NOSTRIN: variants seen among roughly 807,000 people sequenced by gnomAD.
NOSTRIN encodes BM247 homolog.
Under a neutral mutation model 59.0 loss-of-function variants are expected in NOSTRIN, and 63 were observed. The ratio of observed to expected loss-of-function variants is 1.07; its 90% CI spans 0.87 to 1.32. NOSTRIN has a LOEUF of 1.32. NOSTRIN is among the 40% of genes most tolerant of loss of function. The pLI is 0.00. For synonymous variants in NOSTRIN, 200 were observed against 165.4 expected (o/e 1.21, Z -1.61); for missense variants, 512 against 473.1 (o/e 1.08, Z -0.76).
At chr2:168,790,262 GA>G (rs1230287630) in intron 2 of NOSTRIN, among the ~76,000 whole-genome samples, 2 of 152,190 alleles carry the variant, frequency 1.3e-5, no homozygotes, top group African/African-American at 4.8e-5. Context: ...AATAAAATGG[GA>G]AACTATGAGT....
chr2:168,804,762 G>GA (rs1320301902), intron 1 of NOSTRIN, among the ~76,000 whole-genome samples: 5 of 151,718 alleles, frequency 3.3e-5, no homozygotes, highest in Non-Finnish European at 5.9e-5. Context: ...GAACTTCAGT[G>GA]AAAAAAAATC....
chr2:168,842,455 G>C (rs1688160517), intron 7 of NOSTRIN, among the ~76,000 whole-genome samples: 1 of 152,108 alleles, frequency 6.6e-6, no homozygotes, highest in Non-Finnish European at 1.5e-5. Flanking sequence ...CTCTTATCCT[G>C]GAAGTTTGAT....
chr2:168,848,411 C>T (rs1194624060), intron 8 of NOSTRIN, among the ~76,000 whole-genome samples: 1 of 152,172 alleles, frequency 6.6e-6, no homozygotes, highest in East Asian at 1.9e-4. Context: ...AGAAGATTGC[C>T]ATGGGGGCGT....
At chr2:168,818,133 G>A in intron 2 of NOSTRIN, 1 of 200,050 alleles carries the variant, frequency 5.0e-6, no homozygotes, top group Non-Finnish European at 1.1e-5. Context: ...TCAAGCATGA[G>A]AAGGGCTTAG....
At chr2:168,819,447 C>T (rs755950598) in intron 2 of NOSTRIN, among the ~76,000 whole-genome samples, 42 of 152,192 alleles carry the variant, frequency 2.8e-4, no homozygotes, top group African/African-American at 5.5e-4. Context: ...GCTTTCTTCA[C>T]GCTTGCCACT....
intron 1 of NOSTRIN, among the ~76,000 whole-genome samples, chr2:168,803,181 T>G (rs886157427): frequency 1.3e-5 from 2 of 152,136 alleles, no homozygotes; most frequent in Non-Finnish European, 2.9e-5. Context: ...CTCAGACTGG[T>G]TTAGCAGCAT....
At chr2:168,804,369 G>A (rs773399739) in intron 1 of NOSTRIN, among the ~76,000 whole-genome samples, 6 of 152,160 alleles carry the variant, frequency 3.9e-5, no homozygotes, top group Non-Finnish European at 8.8e-5. Flanking sequence ...GAGTCATGGG[G>A]AGGGCGGATA....
chr2:168,819,811 C>A (rs1249746315), intron 2 of NOSTRIN, among the ~76,000 whole-genome samples: 2 of 152,160 alleles, frequency 1.3e-5, no homozygotes, highest in Non-Finnish European at 2.9e-5. Flanking sequence ...TTCAGAGAGG[C>A]AACATCCAAC....
At position 168,864,917 on chromosome 2, in the gene NOSTRIN, G is replaced by A. The variant is rs377563077; in HGVS notation, c.1468G>A (p.Ala490Thr). The part of the protein sequence containing the change: ...LNGKKGHFPA[A>T]YVEELPSNAG... Reference sequence around the variant, plus strand: ...TGGGAAAAAAGGCCATTTTCCTGCCGCTTATGTGGAGGAGTTACCTTCAAA... The same window carrying A: ...TGGGAAAAAAGGCCATTTTCCTGCCACTTATGTGGAGGAGTTACCTTCAAA... The change falls in exon 16 of 16, where the codon GCT becomes ACT. Residue 490 changes from alanine (A) to threonine (T), a missense_variant. By Grantham distance (58) the Ala-to-Thr change is moderately conservative (BLOSUM62 0). Transcript: ENST00000317647. 5.3e-5 allele frequency: 85 copies of A among 1,614,078 alleles called. 1 individual carries two copies. Among genetic ancestry groups the A allele is most frequent in the African/African-American group, 6.7e-5 (5 of 75,028 alleles).
chr2:168,837,300 CTTTTTTTTTTT>C (rs761309524), intron 7 of NOSTRIN, among the ~76,000 whole-genome samples: 6 of 62,178 alleles, frequency 9.6e-5, no homozygotes, highest in East Asian at 4.8e-4. Context: ...TTTTTAACAT[CTTTTTTTTTTT>C]TTTTTTTTTT....
At chr2:168,848,690 G>T (rs761369726) in intron 8 of NOSTRIN, among the ~76,000 whole-genome samples, 51 of 152,200 alleles carry the variant, frequency 3.4e-4, no homozygotes, top group Non-Finnish European at 5.0e-4. Flanking sequence ...AGATGCAAAA[G>T]AACAAGTAGT....
At chr2:168,815,458 G>C (rs1686345662) in intron 2 of NOSTRIN, among the ~76,000 whole-genome samples, 1 of 152,150 alleles carries the variant, frequency 6.6e-6, no homozygotes, top group African/African-American at 2.4e-5. Context: ...GTTTAAACAG[G>C]CTTTGACTGG....
intron 2 of NOSTRIN, among the ~76,000 whole-genome samples, chr2:168,824,069 CCAT>C (rs1043581252): frequency 5.3e-5 from 8 of 152,098 alleles, no homozygotes; most frequent in African/African-American, 1.9e-4. Flanking sequence ...GAGGGAAACT[CCAT>C]CTCAAAACAA....
chr2:168,863,246 T>TAATA (rs1465373080), intron 15 of NOSTRIN: 3 of 241,382 alleles, frequency 1.2e-5, no homozygotes, highest in African/African-American at 2.3e-5. Flanking sequence ...GAATTCTTGT[T>TAATA]AATAGATTAT....
intron 2 of NOSTRIN, among the ~76,000 whole-genome samples, chr2:168,788,540 A>T (rs1406735353): frequency 6.6e-6 from 1 of 152,128 alleles, no homozygotes; most frequent in African/African-American, 2.4e-5. Context: ...AGGAAGCATG[A>T]AGAATCAAAG....
intron 2 of NOSTRIN, among the ~76,000 whole-genome samples, chr2:168,823,566 C>T (rs1201997265): frequency 6.6e-6 from 1 of 152,182 alleles, no homozygotes; most frequent in Non-Finnish European, 1.5e-5. Flanking sequence ...TCTCTGTGTA[C>T]ATGTCTGTTT....
chr2:168,812,288 C>T (rs527602617), intron 2 of NOSTRIN, among the ~76,000 whole-genome samples: 10 of 152,178 alleles, frequency 6.6e-5, no homozygotes, highest in South Asian at 6.2e-4. Context: ...TAGATAGCTC[C>T]GTAATAAGCA....
intron 1 of NOSTRIN, among the ~76,000 whole-genome samples, chr2:168,808,574 G>A (rs1017493677): frequency 1.3e-5 from 2 of 152,124 alleles, no homozygotes; most frequent in South Asian, 2.1e-4. Flanking sequence ...TTTGCTGTGG[G>A]CTGGAGAGAA....
At chr2:168,859,321 A>G in intron 12 of NOSTRIN, 191 bp from the exon 13 acceptor site, 1 of 727,166 alleles carries the variant, frequency 1.4e-6, no homozygotes, top group South Asian at 2.3e-5. Context: ...AACAACTAAA[A>G]CCTCCCTCTA....
Sources: gnomAD v4.1 joint callset for allele counts (sites outside exome capture counted in the v4.1 genomes callset) on GRCh38, gnomAD v4.1.1 for gene constraint, MANE v1.5 for transcripts, NCBI Gene and HGNC (gene_info 2026-07-23, HGNC 2026-07-21) for gene names.